The following CCDC88B variants were observed in gnomAD, a reference collection of about 807,000 sequenced individuals.
The protein encoded by CCDC88B is coiled-coil and HOOK domain protein 88B.
Under a neutral mutation model 183.7 loss-of-function variants are expected in CCDC88B, and 138 were observed. The ratio of observed to expected loss-of-function variants is 0.75; its 90% CI spans 0.65 to 0.87. The LOEUF is 0.87. Among genes scored for constraint, CCDC88B ranks in the 40% least tolerant of loss-of-function variants. CCDC88B has a pLI of 0.00. For missense variants in CCDC88B, 1,822 were observed against 1,965.6 expected (o/e 0.93, Z 1.38); for synonymous variants, 835 against 867.5 (o/e 0.96, Z 0.66).
intron 14 of CCDC88B, chr11:64,348,952 C>T: frequency 1.4e-6 from 1 of 715,990 alleles, no homozygotes; most frequent in Non-Finnish European, 2.6e-6. Flanking sequence ...CCCACCTCTG[C>T]TGAGCCTCTC....
chr11:64,354,273 G>A, intron 24 of CCDC88B, 103 bp downstream of exon 24: 1 of 1,045,504 alleles, frequency 9.6e-7, no homozygotes, highest in Non-Finnish European at 1.2e-6. Context: ...TGACCCCATT[G>A]GCCTTCCCTG....
Position 64,340,597 on chromosome 11 carries a change from C to A in CCDC88B, c.61-10C>A. ...CTGCTGGTCGGCTGACCCCTCTGGG[C>A]TCCTCACAGGCGCTGGGACTGGCCG... On this transcript the variant is annotated splice_polypyrimidine_tract_variant and intron_variant, in intron 1 of 26. Transcript: ENST00000356786. 1 of 1,605,518 alleles carries A rather than the reference C, an allele frequency of 6.2e-7. No individual in the cohort carries two copies.
Position 64,340,681 on chromosome 11 carries a change from G to A in CCDC88B, c.135G>A (p.Pro45=), listed in dbSNP as rs200192718. 2.5e-6 allele frequency: 4 copies of A among 1,612,388 alleles called. No homozygotes were observed. Among genetic ancestry groups the A allele is most frequent in the Middle Eastern group, 1.7e-4 (1 of 6,036 alleles). The change falls in exon 2 of 27, where the codon CCG becomes CCA. Residue 45 remains proline, a synonymous_variant. Transcript: ENST00000356786. ...EGEEEEEEEE[P]PLWLEKRFLR... is the part of the protein sequence containing the mutation. ...AAGAAGAGGAAGAGGAGGAAGAGCC[G>A]CCCCTTTGGTTGGAGAAGAGATTCC...
In CCDC88B at chr11:64,357,502, G is replaced by A. The variant is rs751741837; in HGVS notation, c.*408G>A. On this transcript the variant is annotated 3_prime_UTR_variant, in exon 27 of 27. Transcript: ENST00000356786. The stretch of plus-strand genomic sequence containing the variant: ...CTTGAGCCTTAACTGGACATGAGGG[G>A]CATGAGAATAAAGCTGAACTGCAGC... The A allele has an allele frequency of 1.4e-6, 1 of 704,104 alleles. No individual in the cohort carries two copies. The highest frequency in any genetic ancestry group is 2.7e-6 in the Non-Finnish European group (1 of 376,924). 43.6% of individuals were successfully genotyped at this position (704,104 alleles called of 1,614,324 possible). A position where few individuals can be genotyped will look rare whatever the true frequency, so the allele number is the denominator to read the frequency against.
In CCDC88B at chr11:64,343,924, C is replaced by T. The variant is rs563687783; in HGVS notation, c.1455+10C>T. On this transcript the variant is annotated intron_variant, in intron 13 of 26. Coordinates refer to ENST00000356786, the MANE Select transcript of CCDC88B (RefSeq NM_032251.6). ...GCAGCCAGGGGGCCAGGTAAGTCCC[C>T]TCCCCCAGGGTCCTGGCCGGCCCTT... 6.3e-7 allele frequency: 1 copy of T among 1,593,642 alleles called. No homozygotes were observed. Among genetic ancestry groups the T allele is most frequent in the Admixed American group, 1.7e-5 (1 of 57,668 alleles).
At position 64,342,329 on chromosome 11, in the gene CCDC88B, C is replaced by T. The variant is rs1235441476; in HGVS notation, c.857C>T (p.Ala286Val). 1 of 1,595,278 alleles carries T rather than the reference C, an allele frequency of 6.3e-7. No individual in the cohort carries two copies. Reference sequence around the variant, plus strand: ...GCCGAGCTGCTGCTAGACTCCCAGGCCGAGGTGCAGGGTTTGGAGGCCGAA... The same window carrying T: ...GCCGAGCTGCTGCTAGACTCCCAGGTCGAGGTGCAGGGTTTGGAGGCCGAA... ...EKAELLLDSQ[A>V]EVQGLEAEIR... The change falls in exon 9 of 27, where the codon GCC becomes GTC. Residue 286 changes from alanine to valine, a missense_variant. Physicochemically the swap from Ala to Val is moderately conservative, Grantham distance 64. Transcript: ENST00000356786.
In CCDC88B at chr11:64,342,622, A is replaced by T. The variant is rs572682028; in HGVS notation, c.1004A>T (p.Glu335Val). Residue 335 changes from glutamate (E) to valine (V), a missense_variant, in exon 10 of 27, where the codon GAG becomes GTG. Glu to Val is a moderately radical substitution (Grantham distance 121). Coordinates refer to ENST00000356786, the MANE Select transcript of CCDC88B (RefSeq NM_032251.6). ...RAGRLPRLQE[E>V]LRRCRERLQA... Reference sequence around the variant, plus strand: ...GGCCGCCTGCCCCGCCTGCAGGAGGAGCTGAGGCGCTGCCGCGAGCGGCTG... The same window carrying T: ...GGCCGCCTGCCCCGCCTGCAGGAGGTGCTGAGGCGCTGCCGCGAGCGGCTG... The T allele has an allele frequency of 8.6e-5, 131 of 1,528,656 alleles. No homozygotes were observed. The Middle Eastern group carries it at 9.0e-4, about 11-fold the overall frequency. The allele number at this position is 1,528,656 out of a possible 1,614,324, so 94.7% of individuals were successfully genotyped here.
rs373780313 is a variant in CCDC88B, at chr11:64,342,101, C to A, written c.783C>A (p.Ala261=). Reference sequence around the variant, plus strand: ...CGCACCATCTGGCCCTGCAGCTGGCCAACGCCAAGGCTCAGCTGCGGCGTC... The same window carrying A: ...CGCACCATCTGGCCCTGCAGCTGGCAAACGCCAAGGCTCAGCTGCGGCGTC... ...GPSHHLALQL[A]NAKAQLRRLR... Residue 261 remains alanine, a synonymous_variant, in exon 8 of 27, where the codon GCC becomes GCA. Transcript: ENST00000356786. The A allele has an allele frequency of 2.5e-5, 41 of 1,610,794 alleles. No homozygotes were observed. In the African/African-American group the frequency reaches 5.5e-4, roughly 22 times the overall value.
In CCDC88B at chr11:64,341,353, G is replaced by A. The variant is rs536003588; in HGVS notation, c.447+25G>A. 7 of 1,614,068 alleles carry A rather than the reference G, an allele frequency of 4.3e-6. No homozygotes were observed. In the South Asian group the frequency reaches 5.5e-5, roughly 13 times the overall value. On this transcript the variant is annotated intron_variant, in intron 5 of 26. Transcript: ENST00000356786. The stretch of plus-strand genomic sequence containing the variant: ...GGTGAGCCGGCGGTGGGAAGGAAAG[G>A]TTAGGGTCGAGCTTTGGCGGTAGAG...
chr11:64,351,747 C>A (rs773066818), intron 18 of CCDC88B, 131 bp downstream of exon 18: 55 of 1,216,308 alleles, frequency 4.5e-5, no homozygotes, highest in Non-Finnish European at 6.0e-5. Context: ...CTCATTTATC[C>A]TTGTCCTCTG....
At position 64,344,440 on chromosome 11, in the gene CCDC88B, G is replaced by T. The variant is rs748118586; in HGVS notation, c.1899G>T (p.Glu633Asp). Residue 633 changes from glutamate to aspartate, a missense_variant, in exon 14 of 27, where the codon GAG becomes GAT. Transcript: ENST00000356786. This position sits in a 1 kb window ranked among gnomAD's most constrained non-coding sequence, Gnocchi z 4.5. ...AGGGAAGAGAGGCTCCCCAAGGCGA[G>T]TTGGTGCCTGAGGCCTGGGGGTTGA... ...ETEGREAPQGELVPEAWGLRQ... is the reference protein window; with the variant it reads ...ETEGREAPQGDLVPEAWGLRQ... The T allele has an allele frequency of 3.8e-6, 6 of 1,592,294 alleles. No individual in the cohort carries two copies. In the South Asian group the frequency reaches 6.7e-5, roughly 18 times the overall value.
chr11:64,344,698 C>T lies in CCDC88B; in HGVS notation c.2157C>T (p.Ser719=). Residue 719 remains serine, a synonymous_variant, in exon 14 of 27, where the codon AGC becomes AGT. Transcript: ENST00000356786. This position sits in a 1 kb window ranked among gnomAD's most constrained non-coding sequence, Gnocchi z 4.5. The stretch of plus-strand genomic sequence containing the variant: ...GGGAAGGCCCAATCCCAGGGGAGAG[C>T]CTGGCCAGTGGTGTCGCAGAGCAGG... ...QVWEGPIPGE[S]LASGVAEQEA... 6.2e-7 allele frequency: 1 copy of T among 1,614,126 alleles called. No homozygotes were observed. The highest frequency in any genetic ancestry group is 8.5e-7 in the Non-Finnish European group (1 of 1,180,008).
chr11:64,354,509 A>G (rs1279798837), intron 24 of CCDC88B, among the ~76,000 whole-genome samples: 1 of 151,992 alleles, frequency 6.6e-6, no homozygotes, highest in East Asian at 1.9e-4. Context: ...CTTTTGCCCA[A>G]GGTCATGCAG....
chr11:64,357,522 T>G lies in CCDC88B; in HGVS notation c.*428T>G. On this transcript the variant is annotated 3_prime_UTR_variant, in exon 27 of 27. Coordinates refer to ENST00000356786, the MANE Select transcript of CCDC88B (RefSeq NM_032251.6). The stretch of plus-strand genomic sequence containing the variant: ...GAGGGGCATGAGAATAAAGCTGAAC[T>G]GCAGCCTCCTGAGTCTTGCTCTGTC... The G allele has an allele frequency of 2.9e-6, 2 of 680,784 alleles. No homozygotes were observed. The highest frequency in any genetic ancestry group is 5.5e-6 in the Non-Finnish European group (2 of 364,176). The allele number at this position is 680,784 out of a possible 1,614,324, so 42.2% of individuals were successfully genotyped here. A position where few individuals can be genotyped will look rare whatever the true frequency, so the allele number is the denominator to read the frequency against.
Position 64,353,696 on chromosome 11 carries a change from C to G in CCDC88B, c.3834-19C>G. On this transcript the variant is annotated intron_variant, in intron 22 of 26. Coordinates refer to ENST00000356786, the MANE Select transcript of CCDC88B (RefSeq NM_032251.6). The stretch of plus-strand genomic sequence containing the variant: ...CTCCCTGGGCCTCACACCCACCTCT[C>G]CCTTCTCACTCCTGCCAGGGACCAG... 1 of 1,613,622 alleles carries G rather than the reference C, an allele frequency of 6.2e-7. No individual in the cohort carries two copies. The highest frequency in any genetic ancestry group is 8.5e-7 in the Non-Finnish European group (1 of 1,179,742).
Position 64,341,634 on chromosome 11 carries a change from G to C in CCDC88B, c.567G>C (p.Leu189=), listed in dbSNP as rs1479475787. 6.2e-7 allele frequency: 1 copy of C among 1,606,160 alleles called. No individual in the cohort carries two copies. Among genetic ancestry groups the C allele is most frequent in the Admixed American group, 1.7e-5 (1 of 59,226 alleles). ...TQPGAGVVLA[L]SGPDPGELAP... is the part of the protein sequence containing the mutation. ...CGGGGGCCGGCGTGGTGCTGGCACT[G>C]TCTGGGCCAGATCCTGGGGAGCTGG... is the stretch of plus-strand genomic sequence containing the variant. The change falls in exon 7 of 27, where the codon CTG becomes CTC. Residue 189 remains leucine (L), a synonymous_variant. Coordinates refer to ENST00000356786, the MANE Select transcript of CCDC88B (RefSeq NM_032251.6).
At chr11:64,355,806 C>A in intron 26 of CCDC88B, 178 bp downstream of exon 26, 2 of 544,906 alleles carry the variant, frequency 3.7e-6, no homozygotes, top group Non-Finnish European at 6.4e-6. Context: ...AAACAATTTG[C>A]CTAAAAATAA....
chr11:64,349,505 G>C, intron 15 of CCDC88B, 46 bp from the exon 16 acceptor site: 1 of 1,581,296 alleles, frequency 6.3e-7, no homozygotes, highest in Non-Finnish European at 8.6e-7. Flanking sequence ...GGGGTGTGGT[G>C]GGGCGAGGGT....
chr11:64,342,493 T>C (rs1372268893), intron 9 of CCDC88B, 29 bp from the exon 10 acceptor site: 2 of 1,528,228 alleles, frequency 1.3e-6, no homozygotes, highest in Non-Finnish European at 1.8e-6. Flanking sequence ...CGCGGCTGGC[T>C]GTTCCCAGCT....
Sources: gnomAD v4.1 joint callset for allele counts (sites outside exome capture counted in the v4.1 genomes callset) on GRCh38, gnomAD v4.1.1 for gene constraint, Gnocchi (gnomAD v3.1) non-coding constraint, MANE v1.5 for transcripts, NCBI Gene and HGNC (gene_info 2026-07-23, HGNC 2026-07-21) for gene names.